MEGF11: variants seen among roughly 807,000 people sequenced by gnomAD.
MEGF11 encodes the protein multiple epidermal growth factor-like domains protein 11.
A neutral mutation model predicts 146.6 loss-of-function variants in MEGF11; 126 were observed. That is an observed-to-expected ratio of 0.86 (90% CI 0.74 to 1.00). The LOEUF (loss-of-function observed/expected upper bound fraction) is 1.00. Among genes scored for constraint, MEGF11 ranks in the 50% least tolerant of loss-of-function variants. The pLI is 0.00. For missense variants in MEGF11, 1,509 were observed against 1,521.2 expected (o/e 0.99, Z 0.13); for synonymous variants, 532 against 583.4 (o/e 0.91, Z 1.27).
chr15:65,958,554 C>T lies in MEGF11; in HGVS notation c.1113-833G>A, dbSNP rs187538005. Reference sequence around the variant, plus strand: ...AAATCCAGAGGCCACATTTCCCCTGCGCCACTTCCAGCTGGAACACAGCAG... The same window carrying T: ...AAATCCAGAGGCCACATTTCCCCTGTGCCACTTCCAGCTGGAACACAGCAG... On this transcript the variant is annotated intron_variant, in intron 9 of 25. Transcript: ENST00000395614. 2.4e-3 allele frequency among the ~76,000 whole-genome samples: 368 copies of T among 152,288 alleles called. 1 individual carries two copies. Among genetic ancestry groups the T allele is most frequent in the Non-Finnish European group, 4.1e-3 (276 of 68,018 alleles).
At chr15:66,060,079 C>T (rs947171907) in intron 5 of MEGF11, among the ~76,000 whole-genome samples, 1 of 151,266 alleles carries the variant, frequency 6.6e-6, no homozygotes, top group Admixed American at 6.6e-5. Context: ...GAGGGATGGA[C>T]AGCAGAGGGA....
intron 19 of MEGF11, among the ~76,000 whole-genome samples, chr15:65,915,093 G>A (rs139663224): frequency 5.4e-4 from 82 of 152,330 alleles, no homozygotes; most frequent in African/African-American, 1.9e-3. Flanking sequence ...TACTCTTCCC[G>A]CTTTGCATGT....
At chr15:66,226,108 C>T (rs935565717) in intron 1 of MEGF11, among the ~76,000 whole-genome samples, 1 of 152,230 alleles carries the variant, frequency 6.6e-6, no homozygotes, top group Non-Finnish European at 1.5e-5. Flanking sequence ...CTTACTCCCT[C>T]CAGCCCGGGA....
At chr15:65,916,687 T>C in intron 17 of MEGF11, 141 bp downstream of exon 17, 1 of 1,413,616 alleles carries the variant, frequency 7.1e-7, no homozygotes, top group African/African-American at 1.4e-5. Flanking sequence ...TCCTCAGTTC[T>C]CGTGGGGCAG....
intron 21 of MEGF11, 104 bp from the exon 22 acceptor site, chr15:65,909,910 A>G (rs1247410214): frequency 1.9e-6 from 2 of 1,026,064 alleles, no homozygotes; most frequent in Non-Finnish European, 2.9e-6. Flanking sequence ...AATAATCCTG[A>G]CCCACCTGGG....
chr15:66,241,006 G>C (rs1021202519), intron 1 of MEGF11, among the ~76,000 whole-genome samples: 2 of 152,186 alleles, frequency 1.3e-5, no homozygotes, highest in African/African-American at 4.8e-5. Context: ...TGGGTATACA[G>C]ACGTTGAAAC....
chr15:66,151,802 G>A (rs114289533), intron 1 of MEGF11, among the ~76,000 whole-genome samples: 5,874 of 152,228 alleles, frequency 0.039, 400 homozygotes, highest in African/African-American at 0.13. Flanking sequence ...AGCTCCGTTC[G>A]CAGCAAGACA....
intron 1 of MEGF11, among the ~76,000 whole-genome samples, chr15:66,195,909 C>T (rs556575675): frequency 5.3e-5 from 8 of 152,280 alleles, no homozygotes; most frequent in South Asian, 4.1e-4. Flanking sequence ...TGGAGTAAGA[C>T]GTGGTGGGGA....
At chr15:65,926,953 GC>G (rs2079391727) in intron 13 of MEGF11, among the ~76,000 whole-genome samples, 1 of 152,206 alleles carries the variant, frequency 6.6e-6, no homozygotes, top group African/African-American at 2.4e-5. Context: ...TGGAGATACT[GC>G]AGAGGAAGCA....
rs539731945 is a variant in MEGF11 at position 66,020,282 on chromosome 15, G to C, written c.395-37794C>G. Among the ~76,000 whole-genome samples the C allele has an allele frequency of 3.3e-5, 5 of 152,356 alleles. No homozygotes were observed. The East Asian group carries it at 9.6e-4, about 29-fold the overall frequency. On this transcript the variant is annotated intron_variant, in intron 5 of 25. Transcript: ENST00000395614. ...GTGTTCTCTTCCATTTGGGCTGTTA[G>C]GCTGGGAGACTGTGGTCCTGGAGCT... is the stretch of plus-strand genomic sequence containing the variant.
intron 1 of MEGF11, among the ~76,000 whole-genome samples, chr15:66,248,943 C>A (rs1452700304): frequency 1.3e-5 from 2 of 152,138 alleles, no homozygotes; most frequent in Non-Finnish European, 2.9e-5. Flanking sequence ...TAAATAGAAT[C>A]CAGATGAAAA....
At chr15:65,942,240 G>C (rs914223491) in intron 10 of MEGF11, among the ~76,000 whole-genome samples, 1 of 152,156 alleles carries the variant, frequency 6.6e-6, no homozygotes, top group Non-Finnish European at 1.5e-5. Context: ...CCCATGCAAC[G>C]TGCCAGGCTT....
intron 5 of MEGF11, among the ~76,000 whole-genome samples, chr15:66,042,882 T>A (rs1056404662): frequency 1.3e-5 from 2 of 152,118 alleles, no homozygotes; most frequent in Non-Finnish European, 2.9e-5. Context: ...ACTGATGACA[T>A]CTGCAATGAC....
chr15:65,924,574 C>G (rs1480362729), intron 13 of MEGF11, among the ~76,000 whole-genome samples: 1 of 149,510 alleles, frequency 6.7e-6, no homozygotes, highest in East Asian at 2.0e-4. Context: ...GATCCATCTT[C>G]AAGTTTCTCC....
At chr15:66,096,540 T>G (rs2414895) in intron 4 of MEGF11, among the ~76,000 whole-genome samples, 146,592 of 152,094 alleles carry the variant, frequency 0.96, 70,885 homozygotes, top group East Asian at 1. Flanking sequence ...GCCCAGGCTG[T>G]ATCCAGCCTC....
Position 65,982,206 on chromosome 15 carries a change from A to G in MEGF11, c.641+36T>C, listed in dbSNP as rs887597347. On this transcript the variant is annotated intron_variant, in intron 6 of 25. Transcript: ENST00000395614. This position sits in a 1 kb window ranked among gnomAD's most constrained non-coding sequence, Gnocchi z 5.6. ...GGCACCCTCCAGGTCCCGCCCCTCCAGGTCCCGCCCCTCCAGGTCCTGCCG... is the reference window on the plus strand; with the variant it reads ...GGCACCCTCCAGGTCCCGCCCCTCCGGGTCCCGCCCCTCCAGGTCCTGCCG... The G allele has an allele frequency of 2.0e-6, 2 of 992,068 alleles. No individual in the cohort carries two copies. The highest frequency in any genetic ancestry group is 2.5e-6 in the Non-Finnish European group (2 of 809,288). 61.5% of individuals were successfully genotyped at this position (992,068 alleles called of 1,614,324 possible).
At chr15:66,234,606 C>G (rs1046544672) in intron 1 of MEGF11, among the ~76,000 whole-genome samples, 9 of 152,214 alleles carry the variant, frequency 5.9e-5, no homozygotes, top group Admixed American at 5.2e-4. Context: ...ACCACCCAAC[C>G]CTGAATATGA....
Position 66,051,193 on chromosome 15 carries a change from C to T in MEGF11, c.394+43209G>A, listed in dbSNP as rs190234632. Among the ~76,000 whole-genome samples the T allele has an allele frequency of 6.1e-3, 931 of 152,214 alleles. 18 individuals are homozygous for T. The highest frequency in any genetic ancestry group is 0.021 in the African/African-American group (880 of 41,528). On this transcript the variant is annotated intron_variant, in intron 5 of 25. Coordinates refer to ENST00000395614, the MANE Select transcript of MEGF11 (RefSeq NM_001385028.1). ...TATTTTATTATTGTTAGTATTATTCCCTTTTTGCAGATGAAGAAACTGAGG... is the reference window on the plus strand; with the variant it reads ...TATTTTATTATTGTTAGTATTATTCTCTTTTTGCAGATGAAGAAACTGAGG...
chr15:66,141,311 A>AGGGATAGG (rs1259682224), intron 1 of MEGF11, among the ~76,000 whole-genome samples: 5 of 149,946 alleles, frequency 3.3e-5, no homozygotes, highest in Non-Finnish European at 7.4e-5. Context: ...AGAGAGAGAC[A>AGGGATAGG]GGGATAGGCT....
Sources: allele counts gnomAD v4.1 joint callset (sites outside exome capture counted in the v4.1 genomes callset), GRCh38; gene constraint gnomAD v4.1.1; non-coding constraint Gnocchi (gnomAD v3.1); transcripts MANE v1.5; gene names NCBI Gene and HGNC (gene_info 2026-07-23, HGNC 2026-07-21).